Variants in CLYBL observed in about 807,000 individuals in gnomAD.
CLYBL encodes the protein citramalyl-CoA lyase, mitochondrial.
CLYBL carries 31 observed loss-of-function variants against 38.9 expected under a neutral mutation model. The observed-to-expected ratio is 0.80, with a 90% CI of 0.60 to 1.08. The LOEUF (loss-of-function observed/expected upper bound fraction) is 1.08. Among genes scored for constraint, CLYBL ranks in the 50% least tolerant of loss-of-function variants. CLYBL has a pLI of 0.00. For missense variants in CLYBL, 434 were observed against 411.6 expected (o/e 1.05, Z -0.47); for synonymous variants, 171 against 158.6 (o/e 1.08, Z -0.59).
At chr13:99,782,367 C>T (rs190717087) in intron 2 of CLYBL, among the ~76,000 whole-genome samples, 3 of 152,096 alleles carry the variant, frequency 2.0e-5, no homozygotes, top group Middle Eastern at 3.4e-3. Context: ...ATTAGCTGGG[C>T]GTGGTGGTGC....
At chr13:99,721,008 T>C (rs964787521) in intron 1 of CLYBL, among the ~76,000 whole-genome samples, 1 of 152,076 alleles carries the variant, frequency 6.6e-6, no homozygotes, top group African/African-American at 2.4e-5. Context: ...CCTGTATGAT[T>C]TCCCCGCATC....
intron 9 of CLYBL, among the ~76,000 whole-genome samples, chr13:99,905,918 C>T (rs1311785825): frequency 6.6e-6 from 1 of 152,002 alleles, no homozygotes. Flanking sequence ...GAACTACAGG[C>T]CTGTGCCACC....
At chr13:99,834,468 T>G (rs577435528) in intron 2 of CLYBL, among the ~76,000 whole-genome samples, 1 of 152,186 alleles carries the variant, frequency 6.6e-6, no homozygotes, top group Non-Finnish European at 1.5e-5. Context: ...CAGGGAACAC[T>G]CATTCCCCCT....
intron 2 of CLYBL, among the ~76,000 whole-genome samples, chr13:99,786,719 C>T (rs187928988): frequency 1.2e-3 from 187 of 151,874 alleles, no homozygotes; most frequent in African/African-American, 4.2e-3. Context: ...TAGGTATATA[C>T]CCAGTAATGG....
chr13:99,889,343 T>A (rs918035826), intron 7 of CLYBL, among the ~76,000 whole-genome samples: 2 of 152,204 alleles, frequency 1.3e-5, no homozygotes, highest in Non-Finnish European at 2.9e-5. Context: ...CTTCATCATT[T>A]ACTCCAATAA....
chr13:99,804,937 C>A (rs2138958467), intron 2 of CLYBL, among the ~76,000 whole-genome samples: 1 of 152,340 alleles, frequency 6.6e-6, no homozygotes, highest in East Asian at 1.9e-4. Context: ...CCTCCCGTCC[C>A]TGGCAACTCC....
intron 1 of CLYBL, among the ~76,000 whole-genome samples, chr13:99,622,062 A>G (rs997979221): frequency 5.3e-5 from 8 of 152,136 alleles, no homozygotes; most frequent in African/African-American, 1.4e-4. Flanking sequence ...CTCCTTATCC[A>G]TCTTCAAAGC....
In CLYBL at chr13:99,849,624, A is replaced by G. The variant is rs183382978; in HGVS notation, c.250-9237A>G. On this transcript the variant is annotated intron_variant, in intron 2 of 8. Coordinates refer to ENST00000339105, the MANE Select transcript of CLYBL (RefSeq NM_206808.5). The surrounding 1 kb of genome is among the most constrained non-coding windows in gnomAD (Gnocchi z 4.9). ...CTCAGCACCAGCTCCACATTGTCCT[A>G]TGAGTTTGAGTCAGAGGTGCCTCAG... Among the ~76,000 whole-genome samples, 27 of 152,362 alleles carry G rather than the reference A, an allele frequency of 1.8e-4. No homozygotes were observed. Among genetic ancestry groups the G allele is most frequent in the Admixed American group, 1.4e-3 (22 of 15,308 alleles).
intron 2 of CLYBL, among the ~76,000 whole-genome samples, chr13:99,855,855 A>G (rs1393115735): frequency 6.6e-6 from 1 of 152,148 alleles, no homozygotes; most frequent in Admixed American, 6.5e-5. Context: ...GTTTTGGGAT[A>G]TATACCAGAG....
chr13:99,699,024 T>C (rs1290197380), intron 1 of CLYBL, among the ~76,000 whole-genome samples: 1 of 152,200 alleles, frequency 6.6e-6, no homozygotes, highest in African/African-American at 2.4e-5. Flanking sequence ...AGAGTCATTT[T>C]TCGGAGTAAG....
At chr13:99,870,815 A>G in intron 6 of CLYBL, 123 bp from the exon 7 acceptor site, 1 of 942,622 alleles carries the variant, frequency 1.1e-6, no homozygotes, top group East Asian at 2.8e-5. Flanking sequence ...CTCAATAAAA[A>G]GTTTTAAATT....
Position 99,759,799 on chromosome 13 carries a change from A to G in CLYBL, c.63-13025A>G, listed in dbSNP as rs549600537. On this transcript the variant is annotated intron_variant, in intron 1 of 8. Transcript: ENST00000339105. ...ATTGAAGAAGACATTGATGCTTCCT[A>G]CCCCATCTCCTGACTGCCAGTCAAA... is the stretch of plus-strand genomic sequence containing the variant. Among the ~76,000 whole-genome samples, 8 of 152,306 alleles carry G rather than the reference A, an allele frequency of 5.3e-5. No homozygotes were observed. The South Asian group carries it at 1.7e-3, about 32-fold the overall frequency.
chr13:99,625,129 C>T (rs1336852220), intron 1 of CLYBL, among the ~76,000 whole-genome samples: 2 of 152,166 alleles, frequency 1.3e-5, no homozygotes, highest in African/African-American at 2.4e-5. Flanking sequence ...CTGTCTTGGG[C>T]GGAGTCCCCG....
At chr13:99,762,460 A>G (rs2049184719) in intron 1 of CLYBL, among the ~76,000 whole-genome samples, 2 of 152,194 alleles carry the variant, frequency 1.3e-5, no homozygotes, top group Admixed American at 6.5e-5. Flanking sequence ...TTTGTCAAAG[A>G]TGAGTTGCTC....
chr13:99,891,538 T>C lies in CLYBL; in HGVS notation c.*24+101T>C, dbSNP rs78167019. 3.6e-3 allele frequency: 2,289 copies of C among 628,702 alleles called. 37 individuals are homozygous for C. The African/African-American group carries it at 0.037, about 10-fold the overall frequency. 38.9% of individuals were successfully genotyped at this position (628,702 alleles called of 1,614,324 possible). On this transcript the variant is annotated intron_variant, in intron 8 of 8. Transcript: ENST00000339105. ...GGGACCTGACTCCATTTACAGTTCA[T>C]GTTAATCACAATTTTGTTGTTGTTG... is the stretch of plus-strand genomic sequence containing the variant.
chr13:99,799,377 T>TCACACA (rs142411916), intron 2 of CLYBL, among the ~76,000 whole-genome samples: 25 of 150,174 alleles, frequency 1.7e-4, no homozygotes, highest in Non-Finnish European at 2.5e-4. Context: ...ATACACACAT[T>TCACACA]CACACACACA....
At chr13:99,902,584 T>C (rs1317293019) in intron 8 of CLYBL, among the ~76,000 whole-genome samples, 1 of 152,218 alleles carries the variant, frequency 6.6e-6, no homozygotes, top group Non-Finnish European at 1.5e-5. Flanking sequence ...TTTCATAGCC[T>C]CCAGTGTAGC....
chr13:99,790,824 T>C (rs2761152), intron 2 of CLYBL, among the ~76,000 whole-genome samples: 125,822 of 152,196 alleles, frequency 0.83, 52,687 homozygotes, highest in African/African-American at 0.95. Flanking sequence ...TTCCCTTCAC[T>C]TTTCCCTTGT....
chr13:99,609,174 T>G (rs2046585894), intron 1 of CLYBL, among the ~76,000 whole-genome samples: 2 of 122,488 alleles, frequency 1.6e-5, no homozygotes, highest in East Asian at 2.4e-4. Context: ...TCTTTGTTTT[T>G]TTTTTTTTTT....
Sources: allele counts gnomAD v4.1 joint callset (sites outside exome capture counted in the v4.1 genomes callset), GRCh38; gene constraint gnomAD v4.1.1; non-coding constraint Gnocchi (gnomAD v3.1); transcripts MANE v1.5; gene names NCBI Gene and HGNC (gene_info 2026-07-23, HGNC 2026-07-21).